The following LGR5 variants were observed in gnomAD, a reference collection of about 807,000 sequenced individuals.
LGR5 encodes leucine rich repeat containing G protein-coupled receptor 5.
A neutral mutation model predicts 76.7 loss-of-function variants in LGR5; 54 were observed. That is an observed-to-expected ratio of 0.70 (90% CI 0.57 to 0.88). The LOEUF (loss-of-function observed/expected upper bound fraction) is 0.88, where lower values mean the gene tolerates loss of function less well. LGR5 is among the 40% of genes least tolerant of loss of function. The probability of loss-of-function intolerance (pLI) is 0.00; values close to 1 mark genes in which losing one functional copy is unlikely to be tolerated. For missense variants in LGR5, 1,078 were observed against 1,073.3 expected, an observed-to-expected ratio of 1.00 and a Z score of -0.06; for synonymous variants, 406 against 421.9, an observed-to-expected ratio of 0.96 and a Z score of 0.46.
intron 15 of LGR5, 46 bp from the exon 16 acceptor site, chr12:71,580,232 A>G: frequency 6.5e-7 from 1 of 1,532,368 alleles, no homozygotes; most frequent in Non-Finnish European, 8.9e-7. Context: ...ATATTTAATT[A>G]TCCGTTTCTT....
At chr12:71,538,845 A>G (rs1230780526) in intron 4 of LGR5, among the ~76,000 whole-genome samples, 1 of 152,114 alleles carries the variant, frequency 6.6e-6, no homozygotes, top group Non-Finnish European at 1.5e-5. Context: ...GCAATAGAGC[A>G]AGACCGTGTC....
At chr12:71,548,321 G>GTGTGTGTGTATGTA (rs147007812) in intron 4 of LGR5, among the ~76,000 whole-genome samples, 1 of 151,146 alleles carries the variant, frequency 6.6e-6, no homozygotes, top group Non-Finnish European at 1.5e-5. Flanking sequence ...GTGTGTGTGT[G>GTGTGTGTGTATGTA]TGTGCGTAGA....
chr12:71,538,352 T>C (rs1036783691), intron 4 of LGR5, among the ~76,000 whole-genome samples: 4 of 152,036 alleles, frequency 2.6e-5, no homozygotes, highest in South Asian at 2.1e-4. Context: ...TGTCTCTCTA[T>C]AAAAAATTAA....
intron 1 of LGR5, among the ~76,000 whole-genome samples, chr12:71,489,170 G>C (rs1256525932): frequency 6.6e-6 from 1 of 151,960 alleles, no homozygotes; most frequent in Non-Finnish European, 1.5e-5. Context: ...AATCTTTAAG[G>C]GTCTTTCTGG....
At chr12:71,474,497 G>A (rs750654723) in intron 1 of LGR5, among the ~76,000 whole-genome samples, 10 of 152,088 alleles carry the variant, frequency 6.6e-5, no homozygotes, top group African/African-American at 9.7e-5. Context: ...AGTTTAGGTG[G>A]GAGACCCACA....
At position 71,483,796 on chromosome 12, in the gene LGR5, T is replaced by C. The variant is rs755426425; in HGVS notation, c.213-20818T>C. ...TGGTGTGTGTGTGTGTACGTGTATG[T>C]GAAGTGCTTAGCATAAATAACATCA... On this transcript the variant is annotated intron_variant, in intron 1 of 17. Coordinates refer to ENST00000266674, the MANE Select transcript of LGR5 (RefSeq NM_003667.4). Among the ~76,000 whole-genome samples, 79 of 152,218 alleles carry C rather than the reference T, an allele frequency of 5.2e-4. 1 individual carries two copies. Among genetic ancestry groups the C allele is most frequent in the Middle Eastern group, 3.4e-3 (1 of 294 alleles).
In LGR5 at chr12:71,575,722, ATGTGTGTG is replaced by A. The variant is rs140264650; in HGVS notation, c.1209-2173_1209-2166del. Among the ~76,000 whole-genome samples the A allele has an allele frequency of 4.4e-3, 638 of 144,844 alleles. 11 individuals carry two copies. The highest frequency in any genetic ancestry group is 0.036 in the East Asian group (177 of 4,980). ...TGAGACTCCATCTCAAAAAATATATATGTGTGTGTGTGTGTGTGTGTGTGTGTGTGTGT... is the reference window on the plus strand; with the variant it reads ...TGAGACTCCATCTCAAAAAATATATATGTGTGTGTGTGTGTGTGTGTGTGT... On this transcript the variant is annotated intron_variant, in intron 13 of 17. Transcript: ENST00000266674.
chr12:71,566,763 T>A, intron 10 of LGR5, 63 bp downstream of exon 10: 1 of 1,567,474 alleles, frequency 6.4e-7, no homozygotes, highest in Non-Finnish European at 8.8e-7. Context: ...GCTTGATCAG[T>A]CTTAACATCA....
chr12:71,547,308 C>T (rs1265103548), intron 4 of LGR5, among the ~76,000 whole-genome samples: 2 of 152,172 alleles, frequency 1.3e-5, no homozygotes, highest in Admixed American at 1.3e-4. Context: ...CTAATTAAAA[C>T]ATGCAGTGTA....
At chr12:71,536,983 A>G (rs975031727) in intron 4 of LGR5, among the ~76,000 whole-genome samples, 3 of 152,150 alleles carry the variant, frequency 2.0e-5, no homozygotes, top group African/African-American at 7.2e-5. Context: ...CCACATCCAA[A>G]CTAAAGGATC....
chr12:71,505,979 G>A (rs1228707772), intron 2 of LGR5, among the ~76,000 whole-genome samples: 2 of 152,000 alleles, frequency 1.3e-5, no homozygotes, highest in African/African-American at 4.8e-5. Flanking sequence ...CTTAGTCATG[G>A]CTGGTACATA....
Position 71,572,915 on chromosome 12 carries a change from G to A in LGR5, c.1202G>A (p.Arg401Gln), listed in dbSNP as rs761294080. Residue 401 changes from arginine to glutamine, a missense_variant, in exon 13 of 18, where the codon CGA becomes CAA. Arg to Gln is a conservative substitution (Grantham distance 43). Transcript: ENST00000266674. Reference sequence around the variant, plus strand: ...ACTTTCCAGCAGTTGCTTAGCCTCCGATCGCTGTGAGTATCACCTCCCAGT... The same window carrying A: ...ACTTTCCAGCAGTTGCTTAGCCTCCAATCGCTGTGAGTATCACCTCCCAGT... Reference protein sequence around the residue: ...VDTFQQLLSLRSLNLAWNKIA... With the variant: ...VDTFQQLLSLQSLNLAWNKIA... 6.8e-6 allele frequency: 11 copies of A among 1,612,626 alleles called. No individual in the cohort carries two copies. The highest frequency in any genetic ancestry group is 6.7e-5 in the East Asian group (3 of 44,848).
At chr12:71,546,095 C>T (rs1877144202) in intron 4 of LGR5, among the ~76,000 whole-genome samples, 1 of 151,988 alleles carries the variant, frequency 6.6e-6, no homozygotes, top group Admixed American at 6.6e-5. Context: ...GGCAGATCAC[C>T]TGAGGTCAGG....
chr12:71,561,727 A>G (rs1346854058), intron 7 of LGR5, 54 bp from the exon 8 acceptor site: 9 of 1,056,876 alleles, frequency 8.5e-6, no homozygotes, highest in Admixed American at 2.2e-5. Flanking sequence ...GGGGGCCTCT[A>G]TTAAATAATT....
At chr12:71,482,766 A>T (rs968446224) in intron 1 of LGR5, among the ~76,000 whole-genome samples, 4 of 152,220 alleles carry the variant, frequency 2.6e-5, no homozygotes, top group Admixed American at 1.3e-4. Flanking sequence ...CAATAGTGTC[A>T]AGACTGGGAA....
chr12:71,498,432 C>T (rs1874434953), intron 1 of LGR5, among the ~76,000 whole-genome samples: 1 of 152,220 alleles, frequency 6.6e-6, no homozygotes, highest in Non-Finnish European at 1.5e-5. Context: ...GATCCAGTGT[C>T]CTCTGGGGGT....
chr12:71,581,313 T>G (rs1033864903), intron 16 of LGR5, among the ~76,000 whole-genome samples: 5 of 152,228 alleles, frequency 3.3e-5, no homozygotes, highest in Non-Finnish European at 1.5e-5. Context: ...TGGCTTTCCT[T>G]GAATTAAGAC....
In LGR5 at chr12:71,482,730, A is replaced by G. The variant is rs988453365; in HGVS notation, c.213-21884A>G. Among the ~76,000 whole-genome samples, 3 of 152,338 alleles carry G rather than the reference A, an allele frequency of 2.0e-5. No individual in the cohort carries two copies. The East Asian group carries it at 5.8e-4, about 29-fold the overall frequency. ...CACAATCTACAGGACAGCCCCCATA[A>G]CAAAGAGCCATCCATCTCAAAATAT... On this transcript the variant is annotated intron_variant, in intron 1 of 17. Transcript: ENST00000266674.
chr12:71,568,973 C>G (rs1301897637), intron 11 of LGR5, among the ~76,000 whole-genome samples: 1 of 152,180 alleles, frequency 6.6e-6, no homozygotes, highest in Non-Finnish European at 1.5e-5. Context: ...GTGTCTCCCT[C>G]ATAAGGTAGC....
Sources: allele counts gnomAD v4.1 joint callset (sites outside exome capture counted in the v4.1 genomes callset), GRCh38; gene constraint gnomAD v4.1.1; transcripts MANE v1.5; gene names NCBI Gene and HGNC (gene_info 2026-07-23, HGNC 2026-07-21).